Variants in PABPC3 observed in about 807,000 individuals in gnomAD.
PABPC3 encodes polyadenylate-binding protein 3.
In PABPC3, 43 loss-of-function variants were observed where a neutral mutation model predicts 43.0. That is an observed-to-expected ratio of 1.00 (90% CI 0.78 to 1.29). PABPC3 has a LOEUF of 1.29. Ranked by LOEUF, PABPC3 falls within the 50% of genes most tolerant of loss-of-function variation. The pLI is 0.00. For missense variants in PABPC3, 784 were observed against 798.1 expected (o/e 0.98, Z 0.21); for synonymous variants, 221 against 274.6 (o/e 0.80, Z 1.93).
At position 25,097,916 on chromosome 13, in the gene PABPC3, C is replaced by A; in HGVS notation, c.1718C>A (p.Ala573Asp). Residue 573 changes from alanine (A) to aspartate (D), a missense_variant, in exon 1 of 1, where the codon GCT becomes GAT. Coordinates refer to ENST00000281589, the MANE Select transcript of PABPC3 (RefSeq NM_030979.3). ...PLIQAMHPTL[A>D]GKITGMLLEI... ...ATTCAAGCCATGCACCCTACTCTTGCTGGGAAAATCACTGGCATGTTGTTG... is the reference window on the plus strand; with the variant it reads ...ATTCAAGCCATGCACCCTACTCTTGATGGGAAAATCACTGGCATGTTGTTG... The A allele has an allele frequency of 1.2e-6, 2 of 1,613,978 alleles. No individual in the cohort carries two copies. The highest frequency in any genetic ancestry group is 2.2e-5 in the South Asian group (2 of 91,074).
Position 25,097,432 on chromosome 13 carries a change from A to T in PABPC3, c.1234A>T (p.Asn412Tyr). 1 of 1,614,174 alleles carries T rather than the reference A, an allele frequency of 6.2e-7. No individual in the cohort carries two copies. Among genetic ancestry groups the T allele is most frequent in the Non-Finnish European group, 8.5e-7 (1 of 1,180,040 alleles). The part of the protein sequence containing the change: ...YFMTAVPQTQ[N>Y]HAAYYPPSQI... The stretch of plus-strand genomic sequence containing the variant: ...CATGACAGCTGTCCCACAGACTCAG[A>T]ACCATGCTGCATACTATCCTCCTAG... The change falls in exon 1 of 1, where the codon AAC (asparagine) becomes TAC (tyrosine). Residue 412 changes from asparagine to tyrosine, a missense_variant. Asn to Tyr is a moderately radical substitution (Grantham distance 143). Transcript: ENST00000281589.
chr13:25,098,683 TA>T lies in PABPC3; in HGVS notation c.*591del, dbSNP rs1250129092. The stretch of plus-strand genomic sequence containing the variant: ...TTCACCAAAATTTTAGGTCTTTACA[TA>T]ATAGTGTTTATTTTTAATATTCATA... On this transcript the variant is annotated 3_prime_UTR_variant, in exon 1 of 1. Coordinates refer to ENST00000281589, the MANE Select transcript of PABPC3 (RefSeq NM_030979.3). The T allele has an allele frequency of 1.2e-5, 2 of 166,862 alleles. No individual in the cohort carries two copies. Among genetic ancestry groups the T allele is most frequent in the African/African-American group, 4.8e-5 (2 of 41,458 alleles). 10.3% of individuals were successfully genotyped at this position (166,862 alleles called of 1,614,324 possible).
rs147228466 is a variant in PABPC3, at chr13:25,097,704, G to T, written c.1506G>T (p.Thr502=). 1 of 1,583,580 alleles carries T rather than the reference G, an allele frequency of 6.3e-7. No homozygotes were observed. The highest frequency in any genetic ancestry group is 1.4e-5 in the African/African-American group (1 of 69,358). Residue 502 remains threonine, a synonymous_variant, in exon 1 of 1, where the codon ACG becomes ACT. Coordinates refer to ENST00000281589, the MANE Select transcript of PABPC3 (RefSeq NM_030979.3). ...AAAAATPAVR[T]VPRYKYAAGV... is the part of the protein sequence containing the mutation. ...CTGCAGCTACCCCTGCTGTGCGCAC[G>T]GTTCCACGGTATAAATATGCTGCGG... is the stretch of plus-strand genomic sequence containing the variant.
In PABPC3 at chr13:25,097,775, C is replaced by T. The variant is rs749339519; in HGVS notation, c.1577C>T (p.Thr526Ile). ...CATCGTAATGCACAGCCACAAGTTA[C>T]AATGCAACAGCTTGCTGTTCATGTA... ...QQHRNAQPQV[T>I]MQQLAVHVQG... Residue 526 changes from threonine to isoleucine, a missense_variant, in exon 1 of 1, where the codon ACA (threonine) becomes ATA (isoleucine). Coordinates refer to ENST00000281589, the MANE Select transcript of PABPC3 (RefSeq NM_030979.3). The T allele has an allele frequency of 2.5e-6, 4 of 1,614,168 alleles. No individual in the cohort carries two copies. Among genetic ancestry groups the T allele is most frequent in the South Asian group, 1.1e-5 (1 of 91,086 alleles).
Position 25,098,137 on chromosome 13 carries a change from GA to G in PABPC3, c.*48del. The G allele has an allele frequency of 1.3e-6, 2 of 1,498,874 alleles. No homozygotes were observed. Among genetic ancestry groups the G allele is most frequent in the Non-Finnish European group, 1.8e-6 (2 of 1,094,372 alleles). The allele number at this position is 1,498,874 out of a possible 1,614,324, so 92.8% of individuals were successfully genotyped here. A position where few individuals can be genotyped will look rare whatever the true frequency, so the allele number is the denominator to read the frequency against. On this transcript the variant is annotated 3_prime_UTR_variant, in exon 1 of 1. Transcript: ENST00000281589. The stretch of plus-strand genomic sequence containing the variant: ...GAAAAGAAATTTGTGCTTCACCGAA[GA>G]AAAATATCTAAACATCGAGAAACTA...
rs1439968427 is a variant in PABPC3, at chr13:25,097,767, A to G, written c.1569A>G (p.Pro523=). The change falls in exon 1 of 1, where the codon CCA becomes CCG. Residue 523 remains proline (P), a synonymous_variant. Transcript: ENST00000281589. The part of the protein sequence containing the change: ...RNPQQHRNAQ[P]QVTMQQLAVH... ...CTCAGCAACATCGTAATGCACAGCC[A>G]CAAGTTACAATGCAACAGCTTGCTG... The G allele has an allele frequency of 3.7e-6, 6 of 1,614,124 alleles. No homozygotes were observed. Among genetic ancestry groups the G allele is most frequent in the Non-Finnish European group, 5.1e-6 (6 of 1,180,014 alleles).
chr13:25,096,745 C>G lies in PABPC3; in HGVS notation c.547C>G (p.Leu183Val). 1 of 1,614,304 alleles carries G rather than the reference C, an allele frequency of 6.2e-7. No homozygotes were observed. The highest frequency in any genetic ancestry group is 8.5e-7 in the Non-Finnish European group (1 of 1,180,056). ...GTCTCGTAAAGAACGAGAAGCTGAACTTGGAGCTAGGGCAAAAGAGTTCCC... is the reference window on the plus strand; with the variant it reads ...GTCTCGTAAAGAACGAGAAGCTGAAGTTGGAGCTAGGGCAAAAGAGTTCCC... ...FKSRKEREAE[L>V]GARAKEFPNV... Residue 183 changes from leucine (L) to valine (V), a missense_variant, in exon 1 of 1, where the codon CTT becomes GTT. Transcript: ENST00000281589.
At position 25,098,107 on chromosome 13, in the gene PABPC3, A is replaced by G. The variant is rs1426549189; in HGVS notation, c.*13A>G. ...TCCAACTGTTTAAAATTGATCAGAG[A>G]CCACGAAAAGAAATTTGTGCTTCAC... On this transcript the variant is annotated 3_prime_UTR_variant, in exon 1 of 1. Transcript: ENST00000281589. 1 of 1,605,348 alleles carries G rather than the reference A, an allele frequency of 6.2e-7. No homozygotes were observed. Among genetic ancestry groups the G allele is most frequent in the South Asian group, 1.1e-5 (1 of 88,928 alleles).
In PABPC3 at chr13:25,097,650, G is replaced by A; in HGVS notation, c.1452G>A (p.Val484=). The A allele has an allele frequency of 2.5e-6, 4 of 1,614,122 alleles. No individual in the cohort carries two copies. The highest frequency in any genetic ancestry group is 3.4e-6 in the Non-Finnish European group (4 of 1,179,966). The change falls in exon 1 of 1, where the codon GTG becomes GTA. Residue 484 remains valine (V), a synonymous_variant. Coordinates refer to ENST00000281589, the MANE Select transcript of PABPC3 (RefSeq NM_030979.3). The stretch of plus-strand genomic sequence containing the variant: ...TTGCTAACACATCAACACAGACAGT[G>A]GGTCCACGTCCTGCAGCTGCTGCTG... ...QRVANTSTQT[V]GPRPAAAAAA... is the part of the protein sequence containing the mutation.
Position 25,097,166 on chromosome 13 carries a change from C to G in PABPC3, c.968C>G (p.Ala323Gly), listed in dbSNP as rs1210196456. The G allele has an allele frequency of 2.5e-6, 4 of 1,614,248 alleles. No homozygotes were observed. Among genetic ancestry groups the G allele is most frequent in the South Asian group, 1.1e-5 (1 of 91,090 alleles). ...TCTCCATTTGGTACAATCACTAGTG[C>G]AAAGGTTATGATGGAAGGTGGTCGC... Reference protein sequence around the residue: ...AFSPFGTITSAKVMMEGGRSK... With the variant: ...AFSPFGTITSGKVMMEGGRSK... Residue 323 changes from alanine (A) to glycine (G), a missense_variant, in exon 1 of 1, where the codon GCA (alanine) becomes GGA (glycine). Transcript: ENST00000281589.
chr13:25,096,273 G>T lies in PABPC3; in HGVS notation c.75G>T (p.Ala25=), dbSNP rs746175919. 4 of 1,614,100 alleles carry T rather than the reference G, an allele frequency of 2.5e-6. No homozygotes were observed. The highest frequency in any genetic ancestry group is 3.4e-6 in the Non-Finnish European group (4 of 1,180,048). ...VGDLHPDVTE[A]MLYEKFSPAG... The stretch of plus-strand genomic sequence containing the variant: ...ACCTCCACCCCGACGTGACTGAGGC[G>T]ATGCTCTACGAGAAGTTCAGCCCGG... Residue 25 remains alanine (A), a synonymous_variant, in exon 1 of 1, where the codon GCG becomes GCT. Coordinates refer to ENST00000281589, the MANE Select transcript of PABPC3 (RefSeq NM_030979.3).
In PABPC3 at chr13:25,097,486, C is replaced by T. The variant is rs780913729; in HGVS notation, c.1288C>T (p.Arg430Cys). The T allele has an allele frequency of 3.7e-6, 6 of 1,614,106 alleles. No homozygotes were observed. Among genetic ancestry groups the T allele is most frequent in the Non-Finnish European group, 4.2e-6 (5 of 1,180,048 alleles). The change falls in exon 1 of 1, where the codon CGC (arginine) becomes TGC (cysteine). Residue 430 changes from arginine to cysteine, a missense_variant. Transcript: ENST00000281589. Reference sequence around the variant, plus strand: ...AATTGCTCGACTAAGACCAAGTCCTCGCTGGACTGCTCAGGGTGCCAGACC... The same window carrying T: ...AATTGCTCGACTAAGACCAAGTCCTTGCTGGACTGCTCAGGGTGCCAGACC... ...SQIARLRPSP[R>C]WTAQGARPHP... is the part of the protein sequence containing the mutation.
Position 25,098,154 on chromosome 13 carries a change from C to T in PABPC3, c.*60C>T, listed in dbSNP as rs1406132854. 6.3e-6 allele frequency: 9 copies of T among 1,422,042 alleles called. No homozygotes were observed. Among genetic ancestry groups the T allele is most frequent in the Non-Finnish European group, 8.7e-6 (9 of 1,031,296 alleles). The allele number at this position is 1,422,042 out of a possible 1,614,324, so 88.1% of individuals were successfully genotyped here. A position where few individuals can be genotyped will look rare whatever the true frequency, so the allele number is the denominator to read the frequency against. ...TCACCGAAGAAAAATATCTAAACATCGAGAAACTATGGGAAAAAAAATTGC... is the reference window on the plus strand; with the variant it reads ...TCACCGAAGAAAAATATCTAAACATTGAGAAACTATGGGAAAAAAAATTGC... On this transcript the variant is annotated 3_prime_UTR_variant, in exon 1 of 1. Transcript: ENST00000281589.
chr13:25,097,619 A>T lies in PABPC3; in HGVS notation c.1421A>T (p.Gln474Leu), dbSNP rs1169602688. ...CAGGTTCCACGAGTCATGTCAACGC[A>T]GCGTGTTGCTAACACATCAACACAG... is the stretch of plus-strand genomic sequence containing the variant. ...SSQVPRVMST[Q>L]RVANTSTQTV... Residue 474 changes from glutamine to leucine, a missense_variant, in exon 1 of 1, where the codon CAG (glutamine) becomes CTG (leucine). By Grantham distance (113) the Gln-to-Leu change is moderately radical (BLOSUM62 -2). Coordinates refer to ENST00000281589, the MANE Select transcript of PABPC3 (RefSeq NM_030979.3). The T allele has an allele frequency of 6.2e-7, 1 of 1,614,240 alleles. No homozygotes were observed. The highest frequency in any genetic ancestry group is 8.5e-7 in the Non-Finnish European group (1 of 1,180,022).
chr13:25,096,195 G>A lies in PABPC3; in HGVS notation c.-4G>A, dbSNP rs1302978958. ...TTGTGTGCCTGCGGGCAGCCGTGCC[G>A]AGAATGAACCCCAGCACCCCCAGCT... On this transcript the variant is annotated 5_prime_UTR_variant, in exon 1 of 1. Transcript: ENST00000281589. 5.0e-6 allele frequency: 8 copies of A among 1,607,754 alleles called. No individual in the cohort carries two copies. Among genetic ancestry groups the A allele is most frequent in the South Asian group, 1.1e-5 (1 of 90,572 alleles).
At position 25,096,440 on chromosome 13, in the gene PABPC3, C is replaced by T; in HGVS notation, c.242C>T (p.Pro81Leu). The change falls in exon 1 of 1, where the codon CCA (proline) becomes CTA (leucine). Residue 81 changes from proline to leucine, a missense_variant. Transcript: ENST00000281589. ...TMNFDVIKGK[P>L]VRIMWSQRDP... ...AATTTTGATGTTATAAAGGGCAAGCCAGTACGCATCATGTGGTCTCAGCGT... is the reference window on the plus strand; with the variant it reads ...AATTTTGATGTTATAAAGGGCAAGCTAGTACGCATCATGTGGTCTCAGCGT... 6.2e-7 allele frequency: 1 copy of T among 1,614,200 alleles called. No homozygotes were observed. Among genetic ancestry groups the T allele is most frequent in the Non-Finnish European group, 8.5e-7 (1 of 1,180,040 alleles).
rs756680119 is a variant in PABPC3, at chr13:25,096,379, C to T, written c.181C>T (p.His61Tyr). The change falls in exon 1 of 1, where the codon CAT (histidine) becomes TAT (tyrosine). Residue 61 changes from histidine to tyrosine, a missense_variant. His to Tyr is a moderately conservative substitution (Grantham distance 83). Transcript: ENST00000281589. ...CAACTACGCGTATGTGAACTTCCAG[C>T]ATACGAAGGACGCGGAGCATGCTCT... is the stretch of plus-strand genomic sequence containing the variant. ...SSNYAYVNFQ[H>Y]TKDAEHALDT... 1 of 1,614,232 alleles carries T rather than the reference C, an allele frequency of 6.2e-7. No individual in the cohort carries two copies. Among genetic ancestry groups the T allele is most frequent in the Non-Finnish European group, 8.5e-7 (1 of 1,180,052 alleles).
At position 25,096,942 on chromosome 13, in the gene PABPC3, A is replaced by C; in HGVS notation, c.744A>C (p.Val248=). Residue 248 remains valine (V), a synonymous_variant, in exon 1 of 1, where the codon GTA becomes GTC. Coordinates refer to ENST00000281589, the MANE Select transcript of PABPC3 (RefSeq NM_030979.3). ...GGCATGAAGATGCACAGAAAGCTGT[A>C]GATGAGATGAATGGAAAGGAGCTCA... ...FERHEDAQKA[V]DEMNGKELNG... 6.6e-7 allele frequency: 1 copy of C among 1,524,528 alleles called. No homozygotes were observed. The highest frequency in any genetic ancestry group is 8.9e-7 in the Non-Finnish European group (1 of 1,118,030). 94.4% of individuals were successfully genotyped at this position (1,524,528 alleles called of 1,614,324 possible). A position where few individuals can be genotyped will look rare whatever the true frequency, so the allele number is the denominator to read the frequency against.
the PABPC3 span, chr13:25,098,087 CT>C: frequency 1.2e-6 from 2 of 1,613,424 alleles, no homozygotes; most frequent in African/African-American, 1.3e-5. Flanking sequence ...GGTGTTCCAA[CT>C]GTTTAAAATT....
Sources: gnomAD v4.1 joint callset for allele counts on GRCh38, gnomAD v4.1.1 for gene constraint, MANE v1.5 for transcripts, NCBI Gene and HGNC (gene_info 2026-07-23, HGNC 2026-07-21) for gene names.